The following BCAS3 variants were observed in gnomAD, a reference collection of about 807,000 sequenced individuals.
BCAS3 encodes BCAS3 microtubule associated cell migration factor, also known as BCAS4/BCAS3 fusion.
BCAS3 carries 53 observed loss-of-function variants against 116.1 expected under a neutral mutation model. That is an observed-to-expected ratio of 0.46 (90% CI 0.37 to 0.57). BCAS3 has a LOEUF of 0.57. Among genes scored for constraint, BCAS3 ranks in the 20% least tolerant of loss-of-function variants. The pLI, the probability that BCAS3 is intolerant of heterozygous loss-of-function variation, is 0.00. For missense variants in BCAS3, 917 were observed against 1,165.4 expected (o/e 0.79, Z 3.10); for synonymous variants, 391 against 408.2 (o/e 0.96, Z 0.51).
chr17:60,820,080 T>C (rs2049799964), intron 7 of BCAS3, among the ~76,000 whole-genome samples: 1 of 151,944 alleles, frequency 6.6e-6, no homozygotes, highest in African/African-American at 2.4e-5. Flanking sequence ...TTTCTTTTTT[T>C]TTTTTTCTGA....
chr17:60,785,054 G>C (rs907901882), intron 6 of BCAS3, among the ~76,000 whole-genome samples: 1 of 152,264 alleles, frequency 6.6e-6, no homozygotes, highest in Admixed American at 6.5e-5. Flanking sequence ...AGCTGAGATC[G>C]TGCCATTGCA....
At chr17:61,069,883 G>A (rs749829636) in intron 19 of BCAS3, 2 of 1,118,254 alleles carry the variant, frequency 1.8e-6, no homozygotes, top group South Asian at 2.5e-5. Context: ...GGCGCCGAAA[G>A]CGAAGAAGGA....
chr17:61,230,959 C>CTTTTTT (rs763299746), intron 22 of BCAS3, among the ~76,000 whole-genome samples: 2 of 121,854 alleles, frequency 1.6e-5, no homozygotes, highest in African/African-American at 6.4e-5. Flanking sequence ...TAGTTTTTGC[C>CTTTTTT]TTTTTTTTTT....
At chr17:60,986,364 G>T (rs570929902) in intron 14 of BCAS3, among the ~76,000 whole-genome samples, 1 of 152,120 alleles carries the variant, frequency 6.6e-6, no homozygotes, top group Admixed American at 6.5e-5. Context: ...CCTAGCAGGG[G>T]AATTGCTGGA....
chr17:60,803,562 T>C (rs945500812), intron 6 of BCAS3, among the ~76,000 whole-genome samples: 3 of 152,166 alleles, frequency 2.0e-5, no homozygotes, highest in Non-Finnish European at 4.4e-5. Context: ...TAGAATTTTC[T>C]GAAGGTATAA....
rs953420041 is a variant in BCAS3, at chr17:61,325,897, A to G, written c.2426-42430A>G. Among the ~76,000 whole-genome samples the G allele has an allele frequency of 6.6e-6, 1 of 152,194 alleles. No homozygotes were observed. The highest frequency in any genetic ancestry group is 1.5e-5 in the Non-Finnish European group (1 of 68,034). On this transcript the variant is annotated intron_variant, in intron 22 of 23. Coordinates refer to ENST00000407086, the MANE Select transcript of BCAS3 (RefSeq NM_017679.5). The surrounding 1 kb of genome is among the most constrained non-coding windows in gnomAD (Gnocchi z 6.4). ...GTTTCTCTCACTAGAGACTCACTGT[A>G]TCTGTATCCAGATTAAATCTGGCTA...
chr17:61,111,019 G>A (rs1479771088), intron 22 of BCAS3, among the ~76,000 whole-genome samples: 2 of 151,852 alleles, frequency 1.3e-5, no homozygotes, highest in African/African-American at 4.8e-5. Context: ...ACCTGCAGCT[G>A]AGGGTCCTGT....
chr17:60,745,476 A>C (rs1037138441), intron 5 of BCAS3, among the ~76,000 whole-genome samples: 6 of 152,042 alleles, frequency 3.9e-5, no homozygotes, highest in African/African-American at 1.4e-4. Flanking sequence ...TATGCTTAAA[A>C]TAAAAAAGAC....
intron 22 of BCAS3, among the ~76,000 whole-genome samples, chr17:61,093,555 C>G (rs1016666007): frequency 6.6e-6 from 1 of 152,128 alleles, no homozygotes; most frequent in Non-Finnish European, 1.5e-5. Context: ...CCACTGCACT[C>G]TAGCCTAGGT....
chr17:60,780,566 G>A (rs1464936142), intron 6 of BCAS3, among the ~76,000 whole-genome samples: 1 of 151,738 alleles, frequency 6.6e-6, no homozygotes, highest in Non-Finnish European at 1.5e-5. Context: ...GCCCCCCAAA[G>A]TGCTGGGATT....
chr17:61,030,465 T>C (rs192997002), intron 16 of BCAS3, among the ~76,000 whole-genome samples: 12 of 152,206 alleles, frequency 7.9e-5, no homozygotes, highest in Non-Finnish European at 1.5e-4. Flanking sequence ...GATTACATAA[T>C]AAAGGCCAAG....
chr17:60,804,424 T>A (rs1256619245), intron 6 of BCAS3, among the ~76,000 whole-genome samples: 1 of 151,968 alleles, frequency 6.6e-6, no homozygotes, highest in East Asian at 2.0e-4. Flanking sequence ...GAGGTTGCAG[T>A]GTGCCGAGAT....
intron 19 of BCAS3, among the ~76,000 whole-genome samples, chr17:61,052,695 GTTTC>G (rs1222418623): frequency 1.9e-4 from 28 of 146,878 alleles, no homozygotes; most frequent in Admixed American, 4.1e-4. Flanking sequence ...TCTGTTGTGA[GTTTC>G]TTTCTTTCTT....
chr17:60,874,749 A>G lies in BCAS3; in HGVS notation c.661+11A>G, dbSNP rs753617921. 6.9e-6 allele frequency: 11 copies of G among 1,588,836 alleles called. No homozygotes were observed. The highest frequency in any genetic ancestry group is 2.3e-5 in the East Asian group (1 of 44,278). On this transcript the variant is annotated intron_variant, in intron 9 of 23. Transcript: ENST00000407086. ...AATTCTTTGTTACAAGTATGTACCA[A>G]TTTTTTTTCCCTTCTTATGCCTTTG...
rs757647271 is a variant in BCAS3, at chr17:61,049,705, T to TTTTTC, written c.2029+8838_2029+8842dup. On this transcript the variant is annotated intron_variant, in intron 19 of 23. Transcript: ENST00000407086. ...ACACCAAGGAGCAAAGATAAGCAGATTTTTCTTTTCTTTTCTTTTCTTTTC... is the reference window on the plus strand; with the variant it reads ...ACACCAAGGAGCAAAGATAAGCAGATTTTTCTTTTCTTTTCTTTTCTTTTCTTTTC... 8.0e-3 allele frequency among the ~76,000 whole-genome samples: 1,188 copies of TTTTTC among 148,910 alleles called. 20 individuals are homozygous for TTTTTC. Among genetic ancestry groups the TTTTTC allele is most frequent in the Non-Finnish European group, 9.8e-3 (660 of 67,438 alleles).
chr17:61,392,202 CT>C lies in BCAS3; in HGVS notation c.*79del. 1 of 1,491,444 alleles carries C rather than the reference CT, an allele frequency of 6.7e-7. No homozygotes were observed. Among genetic ancestry groups the C allele is most frequent in the Non-Finnish European group, 9.1e-7 (1 of 1,099,096 alleles). 92.4% of individuals were successfully genotyped at this position (1,491,444 alleles called of 1,614,324 possible). ...GGAGAAGCCCCGCTCTGGTCCTACC[CT>C]TCAGTCTCTGCTCTTCCTTCATCAA... is the stretch of plus-strand genomic sequence containing the variant. On this transcript the variant is annotated 3_prime_UTR_variant, in exon 24 of 24. Transcript: ENST00000407086. This position sits in a 1 kb window ranked among gnomAD's most constrained non-coding sequence, Gnocchi z 6.4.
Position 60,799,520 on chromosome 17 carries a change from G to GT in BCAS3, c.404-8481dup, listed in dbSNP as rs200098763. ...AATATGTAAGTTTTTTGAGATTAGTGTTTGTTTTTTTTTTTTTTTTTTTTT... is the reference window on the plus strand; with the variant it reads ...AATATGTAAGTTTTTTGAGATTAGTGTTTTGTTTTTTTTTTTTTTTTTTTTT... On this transcript the variant is annotated intron_variant, in intron 6 of 23. Coordinates refer to ENST00000407086, the MANE Select transcript of BCAS3 (RefSeq NM_017679.5). Among the ~76,000 whole-genome samples the GT allele has an allele frequency of 7.7e-4, 90 of 117,630 alleles. 7 individuals carry two copies. Among genetic ancestry groups the GT allele is most frequent in the African/African-American group, 2.3e-3 (62 of 27,174 alleles). 77.2% of individuals were successfully genotyped at this position (117,630 alleles called of 152,430 possible). A position where few individuals can be genotyped will look rare whatever the true frequency, so the allele number is the denominator to read the frequency against.
In BCAS3 at chr17:61,068,770, A is replaced by C. The variant is rs2071000665; in HGVS notation, c.2030-6150A>C. Among the ~76,000 whole-genome samples the C allele has an allele frequency of 6.6e-6, 1 of 152,146 alleles. No homozygotes were observed. Among genetic ancestry groups the C allele is most frequent in the Non-Finnish European group, 1.5e-5 (1 of 68,032 alleles). On this transcript the variant is annotated intron_variant, in intron 19 of 23. Coordinates refer to ENST00000407086, the MANE Select transcript of BCAS3 (RefSeq NM_017679.5). The surrounding 1 kb of genome is among the most constrained non-coding windows in gnomAD (Gnocchi z 4.3). The stretch of plus-strand genomic sequence containing the variant: ...CTTTTTTCCCCTTTCTGTCTCTGCC[A>C]GTCTCGCTCCAATCTCAGGGTATCA...
At chr17:60,846,117 AG>A (rs367904946) in intron 7 of BCAS3, among the ~76,000 whole-genome samples, 12 of 152,076 alleles carry the variant, frequency 7.9e-5, no homozygotes, top group African/African-American at 2.9e-4. Context: ...TTTTGTAGAA[AG>A]GGGGTCTTGC....
Sources: allele counts gnomAD v4.1 joint callset (sites outside exome capture counted in the v4.1 genomes callset), GRCh38; gene constraint gnomAD v4.1.1; non-coding constraint Gnocchi (gnomAD v3.1); transcripts MANE v1.5; gene names NCBI Gene and HGNC (gene_info 2026-07-23, HGNC 2026-07-21).